The following FRMD4A variants were observed in gnomAD, a reference collection of about 807,000 sequenced individuals.
The protein encoded by FRMD4A is FERM domain containing 4A.
Under a neutral mutation model 129.1 loss-of-function variants are expected in FRMD4A, and 29 were observed. The observed-to-expected ratio is 0.22, with a 90% confidence interval of 0.17 to 0.31. The LOEUF (loss-of-function observed/expected upper bound fraction) is 0.31, where lower values mean the gene tolerates loss of function less well. Ranked by LOEUF, FRMD4A falls within the 10% of genes least tolerant of loss-of-function variation. The pLI is 1.00. For synonymous variants in FRMD4A, 634 were observed against 571.6 expected, an observed-to-expected ratio of 1.11 and a Z score of -1.56; for missense variants, 1,272 against 1,375.8, an observed-to-expected ratio of 0.92 and a Z score of 1.19.
At chr10:13,743,791 C>G (rs1182550985) in intron 9 of FRMD4A, among the ~76,000 whole-genome samples, 4 of 152,150 alleles carry the variant, frequency 2.6e-5, no homozygotes, top group African/African-American at 9.7e-5. Flanking sequence ...GAAGAACAGG[C>G]TCAATCCTGA....
chr10:13,814,045 G>A (rs1453253030), intron 3 of FRMD4A, among the ~76,000 whole-genome samples: 1 of 152,036 alleles, frequency 6.6e-6, no homozygotes, highest in Non-Finnish European at 1.5e-5. Flanking sequence ...TTGTCAACGC[G>A]TTTTCACTGG....
chr10:14,190,093 A>G (rs1564375198), intron 2 of FRMD4A, among the ~76,000 whole-genome samples: 2 of 152,226 alleles, frequency 1.3e-5, no homozygotes, highest in African/African-American at 2.4e-5. Flanking sequence ...TGTCTCATAG[A>G]CACTACCCTT....
intron 2 of FRMD4A, among the ~76,000 whole-genome samples, chr10:14,177,923 C>A (rs1164922236): frequency 6.6e-6 from 1 of 152,156 alleles, no homozygotes; most frequent in African/African-American, 2.4e-5. Context: ...GGACTTGGAA[C>A]CTATCAATTA....
chr10:14,260,727 T>C (rs1006756685), intron 2 of FRMD4A, among the ~76,000 whole-genome samples: 5 of 152,212 alleles, frequency 3.3e-5, no homozygotes, highest in Admixed American at 6.5e-5. Flanking sequence ...TTGTTCTTAA[T>C]AGAAACACCC....
intron 12 of FRMD4A, among the ~76,000 whole-genome samples, chr10:13,729,747 T>G (rs756067): frequency 6.6e-6 from 1 of 152,140 alleles, no homozygotes; most frequent in Non-Finnish European, 1.5e-5. Context: ...TAATTGTGCA[T>G]CTAAGTGTAC....
At position 13,670,259 on chromosome 10, in the gene FRMD4A, C is replaced by T. The variant is rs183082410; in HGVS notation, c.1374+147G>A. The T allele has an allele frequency of 1.3e-4, 93 of 725,128 alleles. 1 individual carries two copies. Among genetic ancestry groups the T allele is most frequent in the East Asian group, 1.0e-3 (34 of 33,486 alleles). 44.9% of individuals were successfully genotyped at this position (725,128 alleles called of 1,614,324 possible). A position where few individuals can be genotyped will look rare whatever the true frequency, so the allele number is the denominator to read the frequency against. The stretch of plus-strand genomic sequence containing the variant: ...CTACCGAGGGGAACCACATACTGAC[C>T]GGCCAGCTCACTCAAGAAAAGGTAT... On this transcript the variant is annotated intron_variant, in intron 17 of 24. Coordinates refer to ENST00000357447, the MANE Select transcript of FRMD4A (RefSeq NM_018027.5).
chr10:13,899,307 C>A (rs991001787), intron 2 of FRMD4A, among the ~76,000 whole-genome samples: 1 of 152,064 alleles, frequency 6.6e-6, no homozygotes, highest in Non-Finnish European at 1.5e-5. Context: ...TTAGGCAGTG[C>A]TAGAGCTTTC....
chr10:13,650,682 C>T (rs775953736), intron 24 of FRMD4A, among the ~76,000 whole-genome samples: 13 of 152,166 alleles, frequency 8.5e-5, no homozygotes, highest in Non-Finnish European at 1.9e-4. Flanking sequence ...GTCCTAATTG[C>T]CCATCTGTCA....
intron 3 of FRMD4A, among the ~76,000 whole-genome samples, chr10:13,857,875 T>TA (rs1382274280): frequency 2.0e-5 from 3 of 152,228 alleles, no homozygotes; most frequent in African/African-American, 7.2e-5. Flanking sequence ...CACCATTCTT[T>TA]AGAGCTTTGG....
At chr10:13,842,190 ATT>A (rs531633382) in intron 3 of FRMD4A, among the ~76,000 whole-genome samples, 156 of 152,312 alleles carry the variant, frequency 1.0e-3, no homozygotes, top group African/African-American at 3.7e-3. Flanking sequence ...AATCCAAACA[ATT>A]ATCCCAAGAA....
At chr10:13,734,269 G>A (rs951693700) in intron 12 of FRMD4A, among the ~76,000 whole-genome samples, 6 of 152,086 alleles carry the variant, frequency 3.9e-5, no homozygotes, top group Admixed American at 1.3e-4. Flanking sequence ...ATCATGTCCT[G>A]GTTTCTCAGT....
chr10:14,125,918 A>T (rs1254791306), intron 2 of FRMD4A, among the ~76,000 whole-genome samples: 1 of 148,330 alleles, frequency 6.7e-6, no homozygotes, highest in African/African-American at 2.4e-5. Flanking sequence ...GGTACAACAC[A>T]GTATGATAGA....
chr10:13,972,249 C>A lies in FRMD4A; in HGVS notation c.46-113337G>T, dbSNP rs1287414865. On this transcript the variant is annotated intron_variant, in intron 2 of 24. Transcript: ENST00000357447. ...GAAAGCTAAGAGCAGAGAGCTGCAG[C>A]CTTCCCTGCAACATTCCCCAGACAT... The A allele has an allele frequency of 3.0e-6, 3 of 993,070 alleles. No individual in the cohort carries two copies. The Admixed American group carries it at 1.7e-4, about 55-fold the overall frequency. 61.5% of individuals were successfully genotyped at this position (993,070 alleles called of 1,614,324 possible).
chr10:13,652,763 T>C (rs1261837645), intron 23 of FRMD4A: 2 of 152,196 alleles, frequency 1.3e-5, no homozygotes, highest in Non-Finnish European at 2.9e-5. Flanking sequence ...AACTTGAGTG[T>C]GGGTCAGCAT....
chr10:13,807,357 G>A (rs1706267689), intron 4 of FRMD4A, among the ~76,000 whole-genome samples: 1 of 152,184 alleles, frequency 6.6e-6, no homozygotes, highest in African/African-American at 2.4e-5. Context: ...AGTTTAGTTA[G>A]TAATATAATG....
chr10:13,977,794 A>C (rs988402581), intron 2 of FRMD4A, among the ~76,000 whole-genome samples: 2 of 152,204 alleles, frequency 1.3e-5, no homozygotes, highest in African/African-American at 4.8e-5. Context: ...TAATGTTTTC[A>C]AGATTCATCC....
At position 14,091,300 on chromosome 10, in the gene FRMD4A, A is replaced by T. The variant is rs75886383; in HGVS notation, c.46-232388T>A. Among the ~76,000 whole-genome samples the T allele has an allele frequency of 8.1e-3, 1,237 of 152,282 alleles. 82 individuals carry two copies. The East Asian group carries it at 0.16, about 20-fold the overall frequency. On this transcript the variant is annotated intron_variant, in intron 2 of 24. Transcript: ENST00000357447. The stretch of plus-strand genomic sequence containing the variant: ...CATGGCATTAAAAAAAAGGCAAACA[A>T]ATCCAACACACCACTAGAACTCAAA...
At chr10:14,271,544 G>A (rs964870301) in intron 2 of FRMD4A, among the ~76,000 whole-genome samples, 2 of 152,202 alleles carry the variant, frequency 1.3e-5, no homozygotes, top group Non-Finnish European at 2.9e-5. Context: ...CACACAGAGA[G>A]TGGCCTCCAC....
intron 16 of FRMD4A, among the ~76,000 whole-genome samples, chr10:13,673,290 C>CT (rs2083671374): frequency 6.6e-6 from 1 of 152,222 alleles, no homozygotes; most frequent in African/African-American, 2.4e-5. Context: ...TGTGGTTCTG[C>CT]TTTGAGCTGG....
Sources: allele counts gnomAD v4.1 joint callset (sites outside exome capture counted in the v4.1 genomes callset), GRCh38; gene constraint gnomAD v4.1.1; transcripts MANE v1.5; gene names NCBI Gene and HGNC (gene_info 2026-07-23, HGNC 2026-07-21).